NEK1: variants seen among roughly 807,000 people sequenced by gnomAD.
NEK1 encodes serine/threonine-protein kinase Nek1.
A neutral mutation model predicts 182.1 loss-of-function variants in NEK1; 137 were observed. That is an observed-to-expected ratio of 0.75 (90% CI 0.65 to 0.87). The LOEUF is 0.87. NEK1 is among the 40% of genes least tolerant of loss of function. NEK1 has a pLI of 0.00. For missense variants in NEK1, 1,391 were observed against 1,494.4 expected (o/e 0.93, Z 1.14); for synonymous variants, 513 against 492.2 (o/e 1.04, Z -0.56).
chr4:169,608,156 G>A (rs1771716822), intron 2 of NEK1, among the ~76,000 whole-genome samples: 1 of 151,446 alleles, frequency 6.6e-6, no homozygotes, highest in Non-Finnish European at 1.5e-5. Context: ...AAGAAGAACA[G>A]CCAGAGAAAT....
intron 8 of NEK1, among the ~76,000 whole-genome samples, chr4:169,588,007 G>A (rs1767808703): frequency 6.6e-6 from 1 of 151,996 alleles, no homozygotes; most frequent in Non-Finnish European, 1.5e-5. Context: ...AACAGCTACT[G>A]ACTAATGTTA....
intron 19 of NEK1, among the ~76,000 whole-genome samples, chr4:169,524,962 G>A (rs1756672202): frequency 6.6e-6 from 1 of 152,174 alleles, no homozygotes; most frequent in Admixed American, 6.5e-5. Context: ...AGCCACGAAT[G>A]CTTACTATCT....
At chr4:169,420,797 A>C (rs1053747507) in intron 31 of NEK1, among the ~76,000 whole-genome samples, 1 of 152,182 alleles carries the variant, frequency 6.6e-6, no homozygotes, top group Admixed American at 6.5e-5. Context: ...AATAAAAGTA[A>C]AAAGGGAACA....
At chr4:169,464,595 T>A (rs1474300064) in intron 26 of NEK1, among the ~76,000 whole-genome samples, 1 of 152,094 alleles carries the variant, frequency 6.6e-6, no homozygotes, top group Non-Finnish European at 1.5e-5. Flanking sequence ...GATTTCAGAT[T>A]TTGGATTAGA....
At chr4:169,397,116 C>T (rs1730857164) in intron 35 of NEK1, among the ~76,000 whole-genome samples, 1 of 151,946 alleles carries the variant, frequency 6.6e-6, no homozygotes, top group South Asian at 2.1e-4. Flanking sequence ...ACCAGTTACT[C>T]AGGAGGCTGA....
chr4:169,435,483 G>C (rs1738241729), intron 28 of NEK1, among the ~76,000 whole-genome samples: 1 of 152,112 alleles, frequency 6.6e-6, no homozygotes, highest in Non-Finnish European at 1.5e-5. Context: ...AATTAAGGAT[G>C]GTCACATTTT....
rs570701425 is a variant in NEK1 at position 169,588,740 on chromosome 4, A to G, written c.465-5T>C. On this transcript the variant is annotated splice_polypyrimidine_tract_variant and splice_region_variant and intron_variant, in intron 7 of 35. Coordinates refer to ENST00000507142, the MANE Select transcript of NEK1 (RefSeq NM_001199397.3). ...GTTCGAGCCAGCTCTACAGTACTAG[A>G]AGAAAAATAAAATTATTGGAGAAGT... The G allele has an allele frequency of 1.3e-6, 2 of 1,518,502 alleles. No homozygotes were observed. Among genetic ancestry groups the G allele is most frequent in the Middle Eastern group, 1.7e-4 (1 of 5,934 alleles). The allele number at this position is 1,518,502 out of a possible 1,614,324, so 94.1% of individuals were successfully genotyped here.
intron 9 of NEK1, among the ~76,000 whole-genome samples, 196 bp from the exon 10 acceptor site, chr4:169,585,745 T>C (rs1022562825): frequency 1.6e-4 from 24 of 152,124 alleles, no homozygotes; most frequent in Admixed American, 1.6e-3. Flanking sequence ...AAAATAAGAG[T>C]AATTTTTACT....
intron 18 of NEK1, among the ~76,000 whole-genome samples, chr4:169,551,411 A>G (rs1761407765): frequency 6.6e-6 from 1 of 152,238 alleles, no homozygotes; most frequent in Non-Finnish European, 1.5e-5. Flanking sequence ...ATAAAAAATG[A>G]AGAATAAAAT....
Position 169,599,160 on chromosome 4 carries a change from C to A in NEK1, c.252G>T (p.Glu84Asp). ...GSLYIVMDYCEGGDLFKRINA... is the reference protein window; with the variant it reads ...GSLYIVMDYCDGGDLFKRINA... ...TTATTCGCTTAAACAGATCCCCTCCCTCACAGTAATCCATTACTATGTAGA... is the reference window on the plus strand; with the variant it reads ...TTATTCGCTTAAACAGATCCCCTCCATCACAGTAATCCATTACTATGTAGA... The change falls in exon 5 of 36, where the codon GAG becomes GAT. Residue 84 changes from glutamate to aspartate, a missense_variant. Physicochemically the swap from Glu to Asp is conservative, Grantham distance 45. This residue lies in a region of NEK1 where 116 missense variants were observed against 114.5 expected (regional missense o/e 1.01). Coordinates refer to ENST00000507142, the MANE Select transcript of NEK1 (RefSeq NM_001199397.3). 1.2e-6 allele frequency: 2 copies of A among 1,613,388 alleles called. No individual in the cohort carries two copies. The highest frequency in any genetic ancestry group is 1.7e-6 in the Non-Finnish European group (2 of 1,179,676).
chr4:169,406,131 T>C (rs551748166), intron 32 of NEK1, among the ~76,000 whole-genome samples: 7 of 147,446 alleles, frequency 4.7e-5, no homozygotes, highest in African/African-American at 1.5e-4. Flanking sequence ...GTAGAGATGG[T>C]GTCTCACTAT....
At chr4:169,535,486 A>G (rs1758329189) in intron 19 of NEK1, among the ~76,000 whole-genome samples, 1 of 152,048 alleles carries the variant, frequency 6.6e-6, no homozygotes, top group African/African-American at 2.4e-5. Flanking sequence ...CAAAATAGGG[A>G]GCATCATCAG....
intron 29 of NEK1, among the ~76,000 whole-genome samples, chr4:169,429,222 C>T (rs369287175): frequency 6.6e-6 from 1 of 152,276 alleles, no homozygotes; most frequent in East Asian, 1.9e-4. Context: ...TGGCTGTATA[C>T]AGAAACACAG....
intron 9 of NEK1, among the ~76,000 whole-genome samples, chr4:169,586,353 T>C (rs1767536445): frequency 6.6e-6 from 1 of 152,068 alleles, no homozygotes; most frequent in Non-Finnish European, 1.5e-5. Flanking sequence ...TAAATGTCAT[T>C]TGAGTAAATT....
intron 19 of NEK1, among the ~76,000 whole-genome samples, chr4:169,511,251 C>G (rs995986424): frequency 6.6e-6 from 1 of 152,058 alleles, no homozygotes; most frequent in Non-Finnish European, 1.5e-5. Context: ...CAAGAAGGCC[C>G]TTGCAATAGC....
At chr4:169,508,927 T>C (rs980012815) in intron 19 of NEK1, 75 bp from the exon 20 acceptor site, 11 of 1,224,664 alleles carry the variant, frequency 9.0e-6, no homozygotes, top group Non-Finnish European at 1.3e-5. Context: ...AATATCCAGG[T>C]GCTACTTTAT....
At chr4:169,432,925 C>T (rs1737705804) in intron 29 of NEK1, among the ~76,000 whole-genome samples, 2 of 152,170 alleles carry the variant, frequency 1.3e-5, no homozygotes, top group Non-Finnish European at 2.9e-5. Context: ...AGGCACCCGC[C>T]GCCATGCCTG....
chr4:169,450,437 G>A (rs867095102), intron 27 of NEK1, among the ~76,000 whole-genome samples: 4 of 152,228 alleles, frequency 2.6e-5, no homozygotes, highest in South Asian at 2.1e-4. Context: ...GAGAAAGGTC[G>A]AGTTACCCAC....
intron 23 of NEK1, among the ~76,000 whole-genome samples, chr4:169,489,088 G>A (rs1251101735): frequency 6.6e-6 from 1 of 152,120 alleles, no homozygotes; most frequent in Non-Finnish European, 1.5e-5. Context: ...ATACCAGTGT[G>A]CATTAAATAA....
Sources: allele counts gnomAD v4.1 joint callset (sites outside exome capture counted in the v4.1 genomes callset), GRCh38; gene constraint gnomAD v4.1.1; regional missense constraint gnomAD v4.1.1; transcripts MANE v1.5; gene names NCBI Gene and HGNC (gene_info 2026-07-23, HGNC 2026-07-21).